Variants in MRPS27 observed in about 807,000 individuals in gnomAD.
MRPS27 encodes mitochondrial ribosomal protein S27.
MRPS27 carries 43 observed loss-of-function variants against 48.9 expected under a neutral mutation model. The observed-to-expected ratio is 0.88, with a 90% CI of 0.69 to 1.13. The LOEUF (loss-of-function observed/expected upper bound fraction) is 1.13. Ranked by LOEUF, MRPS27 falls within the 50% of genes most tolerant of loss-of-function variation. The pLI is 0.00. For missense variants in MRPS27, 467 were observed against 476.3 expected (o/e 0.98, Z 0.18); for synonymous variants, 188 against 171.9 (o/e 1.09, Z -0.73).
At chr5:72,298,042 T>C (rs1750026201) in intron 2 of MRPS27, among the ~76,000 whole-genome samples, 1 of 152,024 alleles carries the variant, frequency 6.6e-6, no homozygotes, top group Non-Finnish European at 1.5e-5. Flanking sequence ...AAACAAAAAT[T>C]GACAAGTGGG....
At chr5:72,319,063 T>TA (rs765206438) in intron 1 of MRPS27, among the ~76,000 whole-genome samples, 66 of 152,264 alleles carry the variant, frequency 4.3e-4, no homozygotes, top group African/African-American at 1.2e-3. Flanking sequence ...GCGTGCTTTT[T>TA]AAAAAAATAG....
chr5:72,252,118 ACT>A (rs1423843131), intron 4 of MRPS27, among the ~76,000 whole-genome samples: 1 of 152,218 alleles, frequency 6.6e-6, no homozygotes, highest in Non-Finnish European at 1.5e-5. Context: ...ACCAATAATA[ACT>A]CTGTTTTAGG....
intron 4 of MRPS27, among the ~76,000 whole-genome samples, chr5:72,252,096 T>G (rs1748682317): frequency 6.6e-6 from 1 of 152,210 alleles, no homozygotes. Context: ...AAAAAAATTA[T>G]GGGTACAAAT....
Position 72,219,528 on chromosome 5 carries a change from T to C in MRPS27, c.*1381A>G, listed in dbSNP as rs2111921274. The C allele has an allele frequency of 6.6e-6, 1 of 152,332 alleles. No individual in the cohort carries two copies. The highest frequency in any genetic ancestry group is 2.1e-4 in the South Asian group (1 of 4,830). The allele number at this position is 152,332 out of a possible 1,614,324, so 9.4% of individuals were successfully genotyped here. On this transcript the variant is annotated 3_prime_UTR_variant, in exon 11 of 11. Transcript: ENST00000261413. ...CCCAAAGATAAAGAGTACACTAACA[T>C]GATCCCGGAACATTTATTTCCAGAG...
chr5:72,262,948 T>C (rs1011938688), intron 4 of MRPS27, among the ~76,000 whole-genome samples: 1 of 152,024 alleles, frequency 6.6e-6, no homozygotes, highest in Non-Finnish European at 1.5e-5. Context: ...AGTGAGAGAT[T>C]TTTATGCTTG....
At chr5:72,262,741 G>C (rs1185470291) in intron 4 of MRPS27, among the ~76,000 whole-genome samples, 2 of 151,700 alleles carry the variant, frequency 1.3e-5, no homozygotes, top group Non-Finnish European at 2.9e-5. Context: ...ACAAAGTGAG[G>C]TCTTTTTTTT....
At position 72,296,215 on chromosome 5, in the gene MRPS27, T is replaced by C. The variant is rs563776676; in HGVS notation, c.223-626A>G. ...TCCAAACACAGATTCTATTCTAAAA[T>C]AGAGACTCAGAGGCAAAAAAGAAAA... On this transcript the variant is annotated intron_variant, in intron 3 of 10. Transcript: ENST00000261413. Among the ~76,000 whole-genome samples, 3 of 151,236 alleles carry C rather than the reference T, an allele frequency of 2.0e-5. No individual in the cohort carries two copies. In the East Asian group the frequency reaches 5.8e-4, roughly 29 times the overall value.
At chr5:72,279,144 A>G (rs1749465958) in intron 4 of MRPS27, among the ~76,000 whole-genome samples, 3 of 152,196 alleles carry the variant, frequency 2.0e-5, no homozygotes, top group Admixed American at 1.3e-4. Context: ...TCTTTGTCAC[A>G]ATTATTATGG....
chr5:72,245,731 G>A (rs1333265880), intron 4 of MRPS27, among the ~76,000 whole-genome samples: 1 of 152,200 alleles, frequency 6.6e-6, no homozygotes, highest in Non-Finnish European at 1.5e-5. Flanking sequence ...GCACACCAGG[G>A]TAAAAGCAGA....
At chr5:72,224,657 G>A (rs746476882) in intron 9 of MRPS27, among the ~76,000 whole-genome samples, 1 of 152,194 alleles carries the variant, frequency 6.6e-6, no homozygotes, top group Non-Finnish European at 1.5e-5. Flanking sequence ...CATGGTATCT[G>A]TAAATTAAGG....
intron 4 of MRPS27, among the ~76,000 whole-genome samples, chr5:72,264,337 T>C (rs1030388336): frequency 1.3e-5 from 2 of 152,226 alleles, no homozygotes; most frequent in Non-Finnish European, 1.5e-5. Flanking sequence ...ATTGTGAATA[T>C]ACTTAATGAC....
intron 10 of MRPS27, among the ~76,000 whole-genome samples, chr5:72,222,221 C>T (rs116766224): frequency 2.6e-3 from 394 of 152,316 alleles, no homozygotes; most frequent in African/African-American, 9.0e-3. Context: ...TCTCTGACAA[C>T]GCTCTCCATG....
chr5:72,319,837 G>A (rs1329999926), intron 1 of MRPS27, among the ~76,000 whole-genome samples: 1 of 152,210 alleles, frequency 6.6e-6, no homozygotes, highest in African/African-American at 2.4e-5. Flanking sequence ...ACCGCGCCCG[G>A]CGCACATTTG....
chr5:72,267,894 G>A (rs1749142007), intron 4 of MRPS27, among the ~76,000 whole-genome samples: 1 of 152,078 alleles, frequency 6.6e-6, no homozygotes, highest in African/African-American at 2.4e-5. Flanking sequence ...GGGAACTTAT[G>A]TGAATCACTG....
intron 4 of MRPS27, among the ~76,000 whole-genome samples, chr5:72,263,576 T>C (rs1749036762): frequency 6.7e-6 from 1 of 149,368 alleles, no homozygotes; most frequent in South Asian, 2.1e-4. Flanking sequence ...GACAACCCAA[T>C]TAATAAATGG....
chr5:72,279,299 T>C (rs1261574859), intron 4 of MRPS27, among the ~76,000 whole-genome samples: 1 of 152,228 alleles, frequency 6.6e-6, no homozygotes, highest in African/African-American at 2.4e-5. Context: ...CTGGTTCATA[T>C]TCTCTATCCA....
chr5:72,225,779 ATT>A (rs35100305), intron 9 of MRPS27, among the ~76,000 whole-genome samples: 3 of 146,006 alleles, frequency 2.1e-5, no homozygotes, highest in Admixed American at 6.8e-5. Context: ...TCCCACTGAG[ATT>A]TTTTTTTTTT....
chr5:72,226,136 G>A lies in MRPS27; in HGVS notation c.758C>T (p.Pro253Leu), dbSNP rs780304468. Residue 253 changes from proline (P) to leucine (L), a missense_variant, in exon 9 of 11, where the codon CCA (proline) becomes CTA (leucine). Physicochemically the swap from Pro to Leu is moderately conservative, Grantham distance 98. Transcript: ENST00000261413. ...VYHNMPLIWK[P>L]GYLDRALQVM... ...TTGAAGGGCTCTGTCAAGGTAGCCT[G>A]GTTTCCATATCAGAGGCATGTTGTG... The A allele has an allele frequency of 6.2e-7, 1 of 1,613,824 alleles. No individual in the cohort carries two copies. The highest frequency in any genetic ancestry group is 1.1e-5 in the South Asian group (1 of 91,082).
intron 2 of MRPS27, among the ~76,000 whole-genome samples, chr5:72,308,197 G>A (rs1750330319): frequency 6.6e-6 from 1 of 152,322 alleles, no homozygotes; most frequent in African/African-American, 2.4e-5. Context: ...GAGCTCTCTG[G>A]CACAATCAGC....
Sources: gnomAD v4.1 joint callset for allele counts (sites outside exome capture counted in the v4.1 genomes callset) on GRCh38, gnomAD v4.1.1 for gene constraint, MANE v1.5 for transcripts, NCBI Gene and HGNC (gene_info 2026-07-23, HGNC 2026-07-21) for gene names.